ARHGAP42: variants seen among roughly 807,000 people sequenced by gnomAD.
ARHGAP42 encodes rho GTPase-activating protein 42.
A neutral mutation model predicts 125.0 loss-of-function variants in ARHGAP42; 63 were observed. The observed-to-expected ratio is 0.50, with a 90% CI of 0.41 to 0.62. The LOEUF is 0.62. Ranked by LOEUF, ARHGAP42 falls within the 20% of genes least tolerant of loss-of-function variation. The pLI, the probability that ARHGAP42 is intolerant of heterozygous loss-of-function variation, is 0.00. For missense variants in ARHGAP42, 766 were observed against 1,024.2 expected, an observed-to-expected ratio of 0.75 and a Z score of 3.44; for synonymous variants, 339 against 351.0, an observed-to-expected ratio of 0.97 and a Z score of 0.38.
chr11:100,698,095 T>A (rs1227914719), intron 1 of ARHGAP42, among the ~76,000 whole-genome samples: 1 of 152,186 alleles, frequency 6.6e-6, no homozygotes, highest in African/African-American at 2.4e-5. Flanking sequence ...CTTGCTATGC[T>A]TCCTTGGCTT....
Position 100,933,206 on chromosome 11 carries a change from A to G in ARHGAP42, c.648A>G (p.Glu216=). 6.4e-7 allele frequency: 1 copy of G among 1,550,718 alleles called. No homozygotes were observed. Among genetic ancestry groups the G allele is most frequent in the East Asian group, 2.4e-5 (1 of 40,860 alleles). Residue 216 remains glutamate (E), a synonymous_variant, in exon 7 of 24, where the codon GAA becomes GAG. Transcript: ENST00000298815. The part of the protein sequence containing the change: ...GLFTFYHEGY[E]LAQEFAPYKQ... ...TTACTTTTTACCATGAGGGATATGAACTTGCCCAGGAATTTGCACCGTATA... is the reference window on the plus strand; with the variant it reads ...TTACTTTTTACCATGAGGGATATGAGCTTGCCCAGGAATTTGCACCGTATA...
intron 22 of ARHGAP42, among the ~76,000 whole-genome samples, chr11:100,983,505 C>T (rs1858596480): frequency 6.6e-6 from 1 of 152,138 alleles, no homozygotes; most frequent in South Asian, 2.1e-4. Context: ...GATAAACACA[C>T]AGAAAAGGAC....
chr11:100,721,265 C>T (rs1861752999), intron 1 of ARHGAP42, among the ~76,000 whole-genome samples: 2 of 152,240 alleles, frequency 1.3e-5, no homozygotes, highest in South Asian at 2.1e-4. Flanking sequence ...TAACAACTCT[C>T]CCGTGCTTTT....
At chr11:100,737,817 C>G (rs1005478834) in intron 1 of ARHGAP42, among the ~76,000 whole-genome samples, 2 of 152,322 alleles carry the variant, frequency 1.3e-5, no homozygotes, top group African/African-American at 4.8e-5. Context: ...TGATAAGCTG[C>G]TGGGAGAGGA....
chr11:100,768,956 A>C (rs2134986638), intron 1 of ARHGAP42, among the ~76,000 whole-genome samples: 2 of 152,332 alleles, frequency 1.3e-5, no homozygotes, highest in South Asian at 4.1e-4. Context: ...CAAACATAAT[A>C]GAGTATACTT....
At chr11:100,870,607 A>C (rs1040743416) in intron 4 of ARHGAP42, among the ~76,000 whole-genome samples, 3 of 152,230 alleles carry the variant, frequency 2.0e-5, no homozygotes, top group Non-Finnish European at 4.4e-5. Context: ...TCTGCTTTTC[A>C]AACTTAAATG....
rs139506492 is a variant in ARHGAP42, at chr11:100,903,709, AATATATATATATATATATAT to A, written c.385-9716_385-9697del. On this transcript the variant is annotated intron_variant, in intron 4 of 23. Coordinates refer to ENST00000298815, the MANE Select transcript of ARHGAP42 (RefSeq NM_152432.4). ...ATGTATATATATACATGTCCCTCAA[AATATATATATATATATATAT>A]ATATATATATATATATATATATATA... Among the ~76,000 whole-genome samples the A allele has an allele frequency of 5.5e-3, 348 of 63,522 alleles. 14 individuals are homozygous for A. The highest frequency in any genetic ancestry group is 7.5e-3 in the Non-Finnish European group (252 of 33,814). 41.7% of individuals were successfully genotyped at this position (63,522 alleles called of 152,430 possible). A position where few individuals can be genotyped will look rare whatever the true frequency, so the allele number is the denominator to read the frequency against.
chr11:100,758,311 A>G (rs1199248945), intron 1 of ARHGAP42, among the ~76,000 whole-genome samples: 1 of 152,220 alleles, frequency 6.6e-6, no homozygotes, highest in Non-Finnish European at 1.5e-5. Context: ...GAATGCAGAT[A>G]TCTATTAACT....
At chr11:100,856,438 A>C (rs553976055) in intron 3 of ARHGAP42, among the ~76,000 whole-genome samples, 5 of 152,072 alleles carry the variant, frequency 3.3e-5, no homozygotes, top group South Asian at 2.1e-4. Context: ...TCCCAGGGGG[A>C]ATGTATAAAG....
At chr11:100,907,063 C>G (rs1866757567) in intron 4 of ARHGAP42, among the ~76,000 whole-genome samples, 1 of 152,178 alleles carries the variant, frequency 6.6e-6, no homozygotes, top group African/African-American at 2.4e-5. Flanking sequence ...TGCAATGTTT[C>G]CCTCTAAAAA....
chr11:100,946,750 A>G (rs1374053501), intron 10 of ARHGAP42, among the ~76,000 whole-genome samples: 2 of 152,038 alleles, frequency 1.3e-5, no homozygotes, highest in Non-Finnish European at 2.9e-5. Flanking sequence ...TTCATACATC[A>G]CATGATAGAT....
chr11:100,811,564 G>A (rs918427914), intron 3 of ARHGAP42, among the ~76,000 whole-genome samples: 1 of 151,106 alleles, frequency 6.6e-6, no homozygotes, highest in East Asian at 2.0e-4. Flanking sequence ...GAGTGCAGTG[G>A]TGTGATCTCG....
At chr11:100,795,279 C>T (rs968604146) in intron 3 of ARHGAP42, 113 bp downstream of exon 3, 3 of 643,954 alleles carry the variant, frequency 4.7e-6, no homozygotes, top group Non-Finnish European at 7.3e-6. Flanking sequence ...TTTGACACGT[C>T]TACTAATTTT....
At chr11:100,726,798 T>G (rs1399976264) in intron 1 of ARHGAP42, among the ~76,000 whole-genome samples, 1 of 152,214 alleles carries the variant, frequency 6.6e-6, no homozygotes, top group African/African-American at 2.4e-5. Context: ...TTACTTTCTC[T>G]TAAGTGGCTG....
chr11:100,907,820 TTATG>T (rs2135222814), intron 4 of ARHGAP42, among the ~76,000 whole-genome samples: 1 of 152,316 alleles, frequency 6.6e-6, no homozygotes, highest in East Asian at 1.9e-4. Flanking sequence ...TCTAATCCTC[TTATG>T]TATTTTCAGA....
intron 1 of ARHGAP42, among the ~76,000 whole-genome samples, chr11:100,741,497 A>T (rs1862186049): frequency 6.6e-6 from 1 of 152,182 alleles, no homozygotes; most frequent in South Asian, 2.1e-4. Flanking sequence ...CTGCTGTGTT[A>T]CCGACCCTTG....
intron 1 of ARHGAP42, among the ~76,000 whole-genome samples, chr11:100,696,069 C>T (rs979931338): frequency 1.3e-5 from 2 of 151,998 alleles, no homozygotes; most frequent in African/African-American, 4.8e-5. Flanking sequence ...ACAAAGTATA[C>T]AAAAAATTAG....
intron 3 of ARHGAP42, among the ~76,000 whole-genome samples, chr11:100,827,927 C>G (rs906294269): frequency 1.3e-5 from 2 of 152,200 alleles, no homozygotes; most frequent in South Asian, 4.1e-4. Flanking sequence ...TAGGTTCTCT[C>G]CTTCACCACA....
intron 1 of ARHGAP42, among the ~76,000 whole-genome samples, chr11:100,739,191 T>A (rs1421050985): frequency 6.6e-6 from 1 of 152,166 alleles, no homozygotes; most frequent in Non-Finnish European, 1.5e-5. Flanking sequence ...GTTTTGAGAT[T>A]CATTAACTGG....
Sources: allele counts gnomAD v4.1 joint callset (sites outside exome capture counted in the v4.1 genomes callset), GRCh38; gene constraint gnomAD v4.1.1; transcripts MANE v1.5; gene names NCBI Gene and HGNC (gene_info 2026-07-23, HGNC 2026-07-21).